Variants in CNTNAP2 observed in about 807,000 individuals in gnomAD.
CNTNAP2 encodes contactin-associated protein-like 2.
A neutral mutation model predicts 155.2 loss-of-function variants in CNTNAP2; 98 were observed. The observed-to-expected ratio is 0.63, with a 90% CI of 0.54 to 0.75. The LOEUF is 0.75. CNTNAP2 is among the 30% of genes least tolerant of loss of function. The pLI is 0.00. For synonymous variants in CNTNAP2, 651 were observed against 631.2 expected (o/e 1.03, Z -0.47); for missense variants, 1,727 against 1,688.1 (o/e 1.02, Z -0.40).
intron 12 of CNTNAP2, among the ~76,000 whole-genome samples, chr7:147,623,540 A>C (rs1794909040): frequency 6.6e-6 from 1 of 152,066 alleles, no homozygotes; most frequent in Non-Finnish European, 1.5e-5. Flanking sequence ...CCTGGGAATT[A>C]ACCATAAAGT....
chr7:147,197,794 G>C (rs1225187651), intron 8 of CNTNAP2, among the ~76,000 whole-genome samples: 2 of 152,172 alleles, frequency 1.3e-5, no homozygotes, highest in Non-Finnish European at 2.9e-5. Context: ...TGGTTTCTAA[G>C]ATATCTTTAT....
chr7:148,231,579 T>C (rs1273010173), intron 20 of CNTNAP2, among the ~76,000 whole-genome samples: 2 of 152,136 alleles, frequency 1.3e-5, no homozygotes, highest in Non-Finnish European at 2.9e-5. Flanking sequence ...CATCTCTGCC[T>C]CTCTCTGAAG....
intron 1 of CNTNAP2, among the ~76,000 whole-genome samples, chr7:146,302,762 C>T (rs1416015248): frequency 1.3e-5 from 2 of 152,130 alleles, no homozygotes; most frequent in African/African-American, 4.8e-5. Flanking sequence ...CTCTTACCAT[C>T]ACCATCATCA....
chr7:147,394,959 C>T (rs1402784274), intron 9 of CNTNAP2, among the ~76,000 whole-genome samples: 6 of 150,624 alleles, frequency 4.0e-5, no homozygotes, highest in African/African-American at 2.4e-5. Context: ...TTTATTTATA[C>T]CATATTAGAT....
intron 15 of CNTNAP2, among the ~76,000 whole-genome samples, chr7:148,075,985 C>T (rs1803476527): frequency 2.0e-5 from 3 of 152,142 alleles, no homozygotes; most frequent in Admixed American, 2.0e-4. Flanking sequence ...CCTCCCCGTA[C>T]AGTCTTCATA....
At chr7:148,030,255 T>C (rs775123853) in intron 15 of CNTNAP2, among the ~76,000 whole-genome samples, 47 of 152,246 alleles carry the variant, frequency 3.1e-4, no homozygotes, top group Non-Finnish European at 1.0e-4. Context: ...TAGGTCTCTG[T>C]GAAATCACAA....
rs139769422 is a variant in CNTNAP2 at position 146,740,640 on chromosome 7, C to T, written c.98-33631C>T. On this transcript the variant is annotated intron_variant, in intron 1 of 23. Coordinates refer to ENST00000361727, the MANE Select transcript of CNTNAP2 (RefSeq NM_014141.6). ...TCTGGGGCGCATCAGACTCCTGAGC[C>T]AGTGTTGACCAGTGTAGCACTGCCA... is the stretch of plus-strand genomic sequence containing the variant. 4.4e-3 allele frequency among the ~76,000 whole-genome samples: 673 copies of T among 152,328 alleles called. 4 individuals carry two copies. The highest frequency in any genetic ancestry group is 0.015 in the African/African-American group (633 of 41,574).
At chr7:147,829,711 G>A (rs1313640846) in intron 13 of CNTNAP2, among the ~76,000 whole-genome samples, 1 of 152,180 alleles carries the variant, frequency 6.6e-6, no homozygotes, top group African/African-American at 2.4e-5. Flanking sequence ...TAAATGATGT[G>A]TATACAAGAA....
At chr7:146,370,202 A>T (rs977613644) in intron 1 of CNTNAP2, among the ~76,000 whole-genome samples, 3 of 147,328 alleles carry the variant, frequency 2.0e-5, no homozygotes, top group African/African-American at 7.6e-5. Flanking sequence ...CAGGTGGATC[A>T]CTTGAGGTCA....
chr7:146,648,534 C>G (rs1244435575), intron 1 of CNTNAP2, among the ~76,000 whole-genome samples: 2 of 152,012 alleles, frequency 1.3e-5, no homozygotes, highest in African/African-American at 4.8e-5. Flanking sequence ...CTAATATTTT[C>G]TTATCTTATA....
intron 11 of CNTNAP2, among the ~76,000 whole-genome samples, chr7:147,527,373 A>C (rs1799346478): frequency 6.6e-6 from 1 of 152,116 alleles, no homozygotes; most frequent in Non-Finnish European, 1.5e-5. Flanking sequence ...CAAGGTTTAG[A>C]AATCTTAGAG....
intron 9 of CNTNAP2, among the ~76,000 whole-genome samples, chr7:147,379,615 G>A (rs1007870106): frequency 6.6e-6 from 1 of 152,022 alleles, no homozygotes; most frequent in African/African-American, 2.4e-5. Context: ...TATGGCTTAT[G>A]CATTCTCAAG....
chr7:147,333,123 C>G (rs888628166), intron 9 of CNTNAP2, among the ~76,000 whole-genome samples: 2 of 152,066 alleles, frequency 1.3e-5, no homozygotes, highest in African/African-American at 4.8e-5. Flanking sequence ...GGAAACTGAT[C>G]TAGGAAGTGA....
Position 146,596,496 on chromosome 7 carries a change from T to C in CNTNAP2, c.98-177775T>C, listed in dbSNP as rs116034936. 8.5e-3 allele frequency among the ~76,000 whole-genome samples: 1,294 copies of C among 151,888 alleles called. 12 individuals are homozygous for C. The highest frequency in any genetic ancestry group is 0.03 in the African/African-American group (1,228 of 41,462). The stretch of plus-strand genomic sequence containing the variant: ...AGCCCTAAACACCACCACTTTTTAA[T>C]AAATGTGCCTACATTATTACCCAAA... On this transcript the variant is annotated intron_variant, in intron 1 of 23. Coordinates refer to ENST00000361727, the MANE Select transcript of CNTNAP2 (RefSeq NM_014141.6).
chr7:146,310,017 G>A (rs111860165), intron 1 of CNTNAP2, among the ~76,000 whole-genome samples: 2,529 of 152,196 alleles, frequency 0.017, 62 homozygotes, highest in African/African-American at 0.057. Flanking sequence ...ATTGTGTAAT[G>A]ACTGTGCAAA....
chr7:146,853,488 T>C (rs1040855781), intron 3 of CNTNAP2, among the ~76,000 whole-genome samples: 1 of 152,180 alleles, frequency 6.6e-6, no homozygotes, highest in Non-Finnish European at 1.5e-5. Context: ...TTAACCTATT[T>C]CTTAGCTTAT....
chr7:147,486,185 CCAA>C (rs1798507655), intron 11 of CNTNAP2, 144 bp downstream of exon 11: 13 of 514,690 alleles, frequency 2.5e-5, no homozygotes, highest in South Asian at 7.3e-5. Context: ...TGTCATTTCT[CCAA>C]AAAAAAAAAA....
chr7:148,171,823 G>C (rs1313341548), intron 17 of CNTNAP2, among the ~76,000 whole-genome samples: 1 of 152,142 alleles, frequency 6.6e-6, no homozygotes, highest in Admixed American at 6.5e-5. Context: ...CCAACTAATT[G>C]ACTTGTTAAC....
chr7:147,472,042 G>A (rs10952682), intron 10 of CNTNAP2, among the ~76,000 whole-genome samples: 117,735 of 151,884 alleles, frequency 0.78, 45,880 homozygotes, highest in African/African-American at 0.85. Context: ...TCTGCTCAGT[G>A]TTCAGTTGAC....
Sources: allele counts gnomAD v4.1 joint callset (sites outside exome capture counted in the v4.1 genomes callset), GRCh38; gene constraint gnomAD v4.1.1; transcripts MANE v1.5; gene names NCBI Gene and HGNC (gene_info 2026-07-23, HGNC 2026-07-21).